SDK2: variants seen among roughly 807,000 people sequenced by gnomAD.
SDK2 encodes protein sidekick-2.
In SDK2, 105 loss-of-function variants were observed where a neutral mutation model predicts 253.9. That is an observed-to-expected ratio of 0.41 (90% CI 0.35 to 0.49). The LOEUF is 0.49. SDK2 is among the 20% of genes least tolerant of loss of function. SDK2 has a pLI of 0.06. For synonymous variants in SDK2, 1,249 were observed against 1,234.9 expected (o/e 1.01, Z -0.24); for missense variants, 2,608 against 3,003.0 (o/e 0.87, Z 3.07).
At chr17:73,523,471 G>A (rs1469214441) in intron 1 of SDK2, among the ~76,000 whole-genome samples, 1 of 151,838 alleles carries the variant, frequency 6.6e-6, no homozygotes, top group Non-Finnish European at 1.5e-5. Context: ...CATGAGAGGG[G>A]ACTCTAATCC....
chr17:73,560,709 T>C (rs780793784), intron 1 of SDK2, among the ~76,000 whole-genome samples: 24 of 152,144 alleles, frequency 1.6e-4, no homozygotes, highest in Non-Finnish European at 2.2e-4. Context: ...TTACCAGCTG[T>C]GTAAATACAG....
At chr17:73,622,776 G>C (rs2046149308) in intron 1 of SDK2, among the ~76,000 whole-genome samples, 2 of 152,256 alleles carry the variant, frequency 1.3e-5, no homozygotes, top group South Asian at 2.1e-4. Flanking sequence ...GCAATGCTCA[G>C]ATGCCCAATG....
intron 1 of SDK2, among the ~76,000 whole-genome samples, chr17:73,559,598 G>GCCCCCCCCCC (rs10633523): frequency 1.4e-4 from 17 of 122,168 alleles, no homozygotes; most frequent in African/African-American, 3.7e-4. Context: ...CGCTCCCTGT[G>GCCCCCCCCCC]CCCCCCGCCC....
intron 1 of SDK2, among the ~76,000 whole-genome samples, chr17:73,583,954 G>A (rs557437754): frequency 1.5e-3 from 231 of 152,338 alleles, no homozygotes; most frequent in Middle Eastern, 3.4e-3. Context: ...TTTGACTTCC[G>A]ATGATAGGAC....
chr17:73,555,027 G>T (rs1230010855), intron 1 of SDK2, among the ~76,000 whole-genome samples: 1 of 152,222 alleles, frequency 6.6e-6, no homozygotes, highest in Non-Finnish European at 1.5e-5. Flanking sequence ...GAGGAAGGAG[G>T]ATGGGGGAGC....
At chr17:73,469,334 C>T (rs543100220) in intron 3 of SDK2, among the ~76,000 whole-genome samples, 1 of 152,272 alleles carries the variant, frequency 6.6e-6, no homozygotes, top group African/African-American at 2.4e-5. Context: ...GGTCCAGGGC[C>T]CTTGGAACCC....
intron 12 of SDK2, 37 bp downstream of exon 12, chr17:73,430,474 C>G (rs767036752): frequency 6.7e-7 from 1 of 1,494,476 alleles, no homozygotes. Context: ...GAGGCTCCCC[C>G]TCCCCTCTTG....
chr17:73,541,318 C>T lies in SDK2; in HGVS notation c.65-33721G>A, dbSNP rs544737605. 4.1e-4 allele frequency among the ~76,000 whole-genome samples: 63 copies of T among 152,298 alleles called. 1 individual carries two copies. Among genetic ancestry groups the T allele is most frequent in the African/African-American group, 1.4e-3 (60 of 41,562 alleles). The stretch of plus-strand genomic sequence containing the variant: ...TCTAAAAGGTGGACCAGGGCCAGAG[C>T]CAGGCTCTCCCTGCTGGTGGAGCGG... On this transcript the variant is annotated intron_variant, in intron 1 of 44. Coordinates refer to ENST00000392650, the MANE Select transcript of SDK2 (RefSeq NM_001144952.2). This position sits in a 1 kb window ranked among gnomAD's most constrained non-coding sequence, Gnocchi z 4.3.
intron 15 of SDK2, among the ~76,000 whole-genome samples, chr17:73,421,444 C>T (rs1698449350): frequency 6.6e-6 from 1 of 152,190 alleles, no homozygotes; most frequent in African/African-American, 2.4e-5. Flanking sequence ...TCTCCCATGA[C>T]ATCTTTCTTG....
At chr17:73,427,964 T>G (rs1205494222) in intron 12 of SDK2, among the ~76,000 whole-genome samples, 1 of 152,200 alleles carries the variant, frequency 6.6e-6, no homozygotes, top group Non-Finnish European at 1.5e-5. Flanking sequence ...GATAAAGCAC[T>G]GCTATCCAAA....
At position 73,447,975 on chromosome 17, in the gene SDK2, A is replaced by G. The variant is rs1248919964; in HGVS notation, c.480-227T>C. On this transcript the variant is annotated intron_variant, in intron 4 of 44. Coordinates refer to ENST00000392650, the MANE Select transcript of SDK2 (RefSeq NM_001144952.2). The surrounding 1 kb of genome is among the most constrained non-coding windows in gnomAD (Gnocchi z 4.0). ...CTGATGCTGTCAACCAGACCCAGAG[A>G]CAGCACGTTCATGCCCAGACGCCGA... Among the ~76,000 whole-genome samples the G allele has an allele frequency of 6.6e-6, 1 of 152,052 alleles. No individual in the cohort carries two copies. The highest frequency in any genetic ancestry group is 1.9e-4 in the East Asian group (1 of 5,168).
In SDK2 at chr17:73,431,667, C is replaced by A; in HGVS notation, c.1315G>T (p.Glu439Ter). Residue 439 changes from glutamate (E) to a stop codon, truncating the protein, a stop_gained and splice_region_variant, in exon 11 of 45, where the codon GAG (glutamate) becomes TAG (stop). Transcript: ENST00000392650. LOFTEE classifies it high-confidence loss of function. This position sits in a 1 kb window ranked among gnomAD's most constrained non-coding sequence, Gnocchi z 5.6. ...ACAGAGCCACTGGCCAAGATGCGCT[C>A]CCCTGAGGGCAAAACAGGGTGGGGG... ...PRPAITWQKG[E>*]RILASGSVQL... 1 of 1,604,388 alleles carries A rather than the reference C, an allele frequency of 6.2e-7. No individual in the cohort carries two copies. The highest frequency in any genetic ancestry group is 8.5e-7 in the Non-Finnish European group (1 of 1,175,208).
intron 15 of SDK2, among the ~76,000 whole-genome samples, chr17:73,420,159 C>T (rs1013534224): frequency 2.6e-5 from 4 of 152,336 alleles, no homozygotes; most frequent in East Asian, 1.9e-4. Flanking sequence ...GAGCCAAGCG[C>T]GACAGCACGT....
intron 14 of SDK2, 138 bp from the exon 15 acceptor site, chr17:73,422,572 C>A: frequency 1.0e-6 from 1 of 955,284 alleles, no homozygotes; most frequent in Non-Finnish European, 1.6e-6. Context: ...AGGAGTGGCC[C>A]GCCATGCCAT....
Position 73,535,795 on chromosome 17 carries a change from A to G in SDK2, c.65-28198T>C, listed in dbSNP as rs779415889. ...CATGGATGTGGCTGGCAGGGGGCTGATTAGGAACCTGGGTGAGGTCAGTTG... is the reference window on the plus strand; with the variant it reads ...CATGGATGTGGCTGGCAGGGGGCTGGTTAGGAACCTGGGTGAGGTCAGTTG... On this transcript the variant is annotated intron_variant, in intron 1 of 44. Coordinates refer to ENST00000392650, the MANE Select transcript of SDK2 (RefSeq NM_001144952.2). 1.7e-3 allele frequency among the ~76,000 whole-genome samples: 257 copies of G among 152,226 alleles called. 1 individual carries two copies. The highest frequency in any genetic ancestry group is 2.9e-3 in the Non-Finnish European group (199 of 68,020).
At chr17:73,378,323 A>C (rs1408856413) in intron 36 of SDK2, among the ~76,000 whole-genome samples, 1 of 151,870 alleles carries the variant, frequency 6.6e-6, no homozygotes, top group Admixed American at 6.6e-5. Flanking sequence ...GCTGTTCTGT[A>C]ACTCCTGAGC....
intron 1 of SDK2, among the ~76,000 whole-genome samples, chr17:73,514,353 C>G (rs34476406): frequency 6.6e-6 from 1 of 152,016 alleles, no homozygotes; most frequent in South Asian, 2.1e-4. Context: ...CTAAATACCC[C>G]CATTGTCCTC....
intron 1 of SDK2, among the ~76,000 whole-genome samples, chr17:73,636,680 CAAA>C (rs561026344): frequency 0.016 from 808 of 50,792 alleles, 7 homozygotes; most frequent in African/African-American, 0.051. Context: ...GACTCTGTCT[CAAA>C]AAAAAAAAAA....
chr17:73,554,467 G>A (rs1374746633), intron 1 of SDK2, among the ~76,000 whole-genome samples: 1 of 152,204 alleles, frequency 6.6e-6, no homozygotes, highest in African/African-American at 2.4e-5. Context: ...TGAGGGCACA[G>A]GCTCATATGG....
Sources: allele counts gnomAD v4.1 joint callset (sites outside exome capture counted in the v4.1 genomes callset), GRCh38; gene constraint gnomAD v4.1.1; non-coding constraint Gnocchi (gnomAD v3.1); transcripts MANE v1.5; gene names NCBI Gene and HGNC (gene_info 2026-07-23, HGNC 2026-07-21).